FMO1: variants seen among roughly 807,000 people sequenced by gnomAD.
FMO1 encodes the protein flavin containing dimethylaniline monoxygenase 1, also known as flavin-containing monooxygenase 1.
In FMO1, 36 loss-of-function variants were observed where a neutral mutation model predicts 45.4. The ratio of observed to expected loss-of-function variants is 0.79; its 90% CI spans 0.61 to 1.05. FMO1 has a LOEUF of 1.05. Among genes scored for constraint, FMO1 ranks in the 50% least tolerant of loss-of-function variants. The probability of loss-of-function intolerance (pLI) is 0.00; values close to 1 mark genes in which losing one functional copy is unlikely to be tolerated. For missense variants in FMO1, 615 were observed against 640.3 expected (o/e 0.96, Z 0.43); for synonymous variants, 228 against 227.2 (o/e 1.00, Z -0.03).
chr1:171,258,891 G>C (rs1014753805), intron 2 of FMO1, among the ~76,000 whole-genome samples: 3 of 152,146 alleles, frequency 2.0e-5, no homozygotes, highest in African/African-American at 7.2e-5. Context: ...GCCCACCCTT[G>C]CCTGGCCTGG....
chr1:171,254,715 C>T (rs1191826165), intron 1 of FMO1, among the ~76,000 whole-genome samples: 3 of 152,170 alleles, frequency 2.0e-5, no homozygotes, highest in Admixed American at 6.5e-5. Context: ...ACCTCCAGCC[C>T]CTACTCTCAG....
intron 3 of FMO1, 143 bp downstream of exon 3, chr1:171,267,874 T>G (rs1205972815): frequency 3.4e-6 from 2 of 591,460 alleles, no homozygotes; most frequent in Non-Finnish European, 5.8e-6. Flanking sequence ...TTTCTCCCTA[T>G]ACTCACTCCC....
chr1:171,257,080 C>T (rs541813513), intron 1 of FMO1, among the ~76,000 whole-genome samples: 1 of 152,348 alleles, frequency 6.6e-6, no homozygotes, highest in Non-Finnish European at 1.5e-5. Flanking sequence ...AGGAGCTATT[C>T]TGAGACGCCT....
At chr1:171,268,955 G>A (rs1047882153) in intron 3 of FMO1, among the ~76,000 whole-genome samples, 5 of 152,170 alleles carry the variant, frequency 3.3e-5, no homozygotes, top group African/African-American at 1.2e-4. Flanking sequence ...AGTCTCATGA[G>A]ATCTGATGGT....
At chr1:171,282,907 G>C in intron 7 of FMO1, 1 of 405,598 alleles carries the variant, frequency 2.5e-6, no homozygotes, top group Non-Finnish European at 4.4e-6. Flanking sequence ...CTAGTTGTGA[G>C]ATTCTGCTAT....
At chr1:171,257,563 C>T (rs1027549520) in intron 1 of FMO1, among the ~76,000 whole-genome samples, 2 of 152,146 alleles carry the variant, frequency 1.3e-5, no homozygotes, top group Non-Finnish European at 2.9e-5. Flanking sequence ...AGGGCAGTGC[C>T]GCGGTAGCAC....
At position 171,260,811 on chromosome 1, in the gene FMO1, TC is replaced by T. The variant is rs957867510; in HGVS notation, c.132+2595del. Among the ~76,000 whole-genome samples the T allele has an allele frequency of 1.1e-4, 16 of 142,846 alleles. 1 individual carries two copies. The highest frequency in any genetic ancestry group is 4.2e-4 in the African/African-American group (16 of 37,886). The allele number at this position is 142,846 out of a possible 152,430, so 93.7% of individuals were successfully genotyped here. A position where few individuals can be genotyped will look rare whatever the true frequency, so the allele number is the denominator to read the frequency against. On this transcript the variant is annotated intron_variant, in intron 2 of 8. Transcript: ENST00000617670. The stretch of plus-strand genomic sequence containing the variant: ...CAGGCATGGTGGCATGCACCTGTAA[TC>T]CCAGCTACTCAGGAGGCTGAGGCAG...
Position 171,282,143 on chromosome 1 carries a change from C to T in FMO1, c.993C>T (p.Tyr331=). 1 of 1,614,030 alleles carries T rather than the reference C, an allele frequency of 6.2e-7. No homozygotes were observed. Among genetic ancestry groups the T allele is most frequent in the Non-Finnish European group, 8.5e-7 (1 of 1,179,902 alleles). The change falls in exon 7 of 9, where the codon TAC becomes TAT. Residue 331 remains tyrosine (Y), a synonymous_variant. Coordinates refer to ENST00000617670, the MANE Select transcript of FMO1 (RefSeq NM_001282693.2). The part of the protein sequence containing the change: ...PIDIIVFATG[Y]TFAFPFLDES... ...ACATCATTGTCTTTGCCACTGGATA[C>T]ACATTTGCTTTCCCCTTCCTTGATG...
At position 171,285,365 on chromosome 1, in the gene FMO1, C is replaced by T. The variant is rs140252680; in HGVS notation, c.1420C>T (p.Arg474Cys). Residue 474 changes from arginine (R) to cysteine (C), a missense_variant, in exon 9 of 9, where the codon CGC becomes TGC. Arg to Cys is a radical substitution (Grantham distance 180, BLOSUM62 -3). Coordinates refer to ENST00000617670, the MANE Select transcript of FMO1 (RefSeq NM_001282693.2). ...TGGCCCATGCTCACCATACCAGTTC[C>T]GCTTGACTGGCCCAGGAAAATGGGA... ...FFGPCSPYQF[R>C]LTGPGKWEGA... is the part of the protein sequence containing the mutation. 5.4e-5 allele frequency: 87 copies of T among 1,613,838 alleles called. No homozygotes were observed. The highest frequency in any genetic ancestry group is 2.5e-4 in the Admixed American group (15 of 59,944).
At chr1:171,284,301 C>T (rs904705236) in intron 8 of FMO1, among the ~76,000 whole-genome samples, 16 of 151,960 alleles carry the variant, frequency 1.1e-4, no homozygotes, top group African/African-American at 3.9e-4. Flanking sequence ...GTACCAAATT[C>T]CAAAACAATA....
chr1:171,282,898 T>C, intron 7 of FMO1: 1 of 402,560 alleles, frequency 2.5e-6, no homozygotes, highest in East Asian at 4.4e-5. Flanking sequence ...TCAGCCAAAC[T>C]AGTTGTGAGA....
At chr1:171,252,921 T>C (rs996868399) in intron 1 of FMO1, among the ~76,000 whole-genome samples, 1 of 152,192 alleles carries the variant, frequency 6.6e-6, no homozygotes, top group Non-Finnish European at 1.5e-5. Context: ...ATCAGTTTGA[T>C]TTCATATAAT....
intron 4 of FMO1, among the ~76,000 whole-genome samples, 186 bp from the exon 5 acceptor site, chr1:171,278,543 A>AC (rs1250442709): frequency 6.6e-6 from 1 of 152,054 alleles, no homozygotes; most frequent in East Asian, 1.9e-4. Context: ...TGGAGTAATA[A>AC]CCCCCCTTAA....
intron 3 of FMO1, chr1:171,270,532 A>C (rs931031165): frequency 4.1e-6 from 4 of 974,150 alleles, no homozygotes; most frequent in Admixed American, 6.1e-5. Context: ...AAGCATTCAG[A>C]ATGTAAACAA....
intron 1 of FMO1, among the ~76,000 whole-genome samples, chr1:171,254,191 C>T (rs1660042158): frequency 6.6e-6 from 1 of 152,066 alleles, no homozygotes; most frequent in Non-Finnish European, 1.5e-5. Context: ...CAGGTTCAAG[C>T]AATTCCCCTG....
At chr1:171,262,756 A>G (rs28384868) in intron 2 of FMO1, among the ~76,000 whole-genome samples, 3 of 152,138 alleles carry the variant, frequency 2.0e-5, no homozygotes, top group African/African-American at 7.2e-5. Flanking sequence ...CTAGTGGGGT[A>G]CCCCTGACAG....
chr1:171,279,613 C>T (rs891229555), intron 5 of FMO1, among the ~76,000 whole-genome samples: 5 of 152,102 alleles, frequency 3.3e-5, no homozygotes, highest in African/African-American at 9.7e-5. Context: ...TTATTTTTGC[C>T]TTGTACCACT....
chr1:171,252,025 A>G (rs2102060970), intron 1 of FMO1, among the ~76,000 whole-genome samples: 1 of 152,254 alleles, frequency 6.6e-6, no homozygotes, highest in South Asian at 2.1e-4. Context: ...CACCCCAACA[A>G]AATCCCCTAT....
Position 171,282,128 on chromosome 1 carries a change from C to T in FMO1, c.978C>T (p.Val326=), listed in dbSNP as rs1338079903. 6.2e-7 allele frequency: 1 copy of T among 1,614,014 alleles called. No homozygotes were observed. Among genetic ancestry groups the T allele is most frequent in the Admixed American group, 1.7e-5 (1 of 60,008 alleles). The change falls in exon 7 of 9, where the codon GTC becomes GTT. Residue 326 remains valine, a synonymous_variant. Transcript: ENST00000617670. ...AGGAAGAGCCTATTGACATCATTGT[C>T]TTTGCCACTGGATACACATTTGCTT... ...TSKEEPIDII[V]FATGYTFAFP...
Sources: gnomAD v4.1 joint callset for allele counts (sites outside exome capture counted in the v4.1 genomes callset) on GRCh38, gnomAD v4.1.1 for gene constraint, MANE v1.5 for transcripts, NCBI Gene and HGNC (gene_info 2026-07-23, HGNC 2026-07-21) for gene names.